The following AGBL4 variants were observed in gnomAD, a reference collection of about 807,000 sequenced individuals.
The protein encoded by AGBL4 is cytosolic carboxypeptidase 6.
AGBL4 carries 58 observed loss-of-function variants against 66.4 expected under a neutral mutation model. The observed-to-expected ratio is 0.87, with a 90% CI of 0.71 to 1.09. The LOEUF is 1.09. AGBL4 is among the 50% of genes least tolerant of loss of function. The pLI, the probability that AGBL4 is intolerant of heterozygous loss-of-function variation, is 0.00. For missense variants in AGBL4, 579 were observed against 631.0 expected (o/e 0.92, Z 0.88); for synonymous variants, 234 against 222.9 (o/e 1.05, Z -0.44).
At chr1:49,348,408 G>A (rs1259133866) in intron 3 of AGBL4, among the ~76,000 whole-genome samples, 6 of 150,970 alleles carry the variant, frequency 4.0e-5, no homozygotes, top group Non-Finnish European at 5.9e-5. Flanking sequence ...GTGACAGAGC[G>A]ACACTCCGTC....
At chr1:49,068,845 C>G (rs893685330) in intron 4 of AGBL4, among the ~76,000 whole-genome samples, 1 of 152,210 alleles carries the variant, frequency 6.6e-6, no homozygotes, top group African/African-American at 2.4e-5. Context: ...ACACTCCCAT[C>G]AACAGTGTAA....
intron 6 of AGBL4, among the ~76,000 whole-genome samples, chr1:48,763,988 C>T (rs747745967): frequency 6.6e-6 from 1 of 152,150 alleles, no homozygotes; most frequent in Non-Finnish European, 1.5e-5. Flanking sequence ...CAGAGCTTTG[C>T]CTTCTATGCC....
chr1:49,281,884 T>C (rs139694232), intron 3 of AGBL4, among the ~76,000 whole-genome samples: 1 of 152,224 alleles, frequency 6.6e-6, no homozygotes, highest in Non-Finnish European at 1.5e-5. Context: ...CAGTTATATA[T>C]GTTTCCCACA....
chr1:49,437,476 C>T (rs1645928059), intron 3 of AGBL4, among the ~76,000 whole-genome samples: 1 of 152,244 alleles, frequency 6.6e-6, no homozygotes, highest in African/African-American at 2.4e-5. Context: ...TCTAAATTAT[C>T]TTTCAAAGGA....
At chr1:49,229,259 A>ACTGTAAGCC (rs1403165233) in intron 4 of AGBL4, among the ~76,000 whole-genome samples, 1 of 152,202 alleles carries the variant, frequency 6.6e-6, no homozygotes, top group Non-Finnish European at 1.5e-5. Context: ...TTCCTTTTAG[A>ACTGTAAGCC]CTGTAAGCCA....
At chr1:49,943,376 G>A (rs1654938287) in intron 1 of AGBL4, among the ~76,000 whole-genome samples, 1 of 152,132 alleles carries the variant, frequency 6.6e-6, no homozygotes, top group African/African-American at 2.4e-5. Flanking sequence ...AATAAATCAG[G>A]AAAGCCAAGA....
At chr1:49,118,818 A>G (rs1569658628) in intron 4 of AGBL4, among the ~76,000 whole-genome samples, 2 of 152,214 alleles carry the variant, frequency 1.3e-5, no homozygotes, top group East Asian at 1.9e-4. Context: ...CTGTGAATCC[A>G]TCTGGTCCTG....
At chr1:49,100,766 G>T (rs1039413169) in intron 4 of AGBL4, among the ~76,000 whole-genome samples, 5 of 152,180 alleles carry the variant, frequency 3.3e-5, no homozygotes, top group Non-Finnish European at 7.3e-5. Flanking sequence ...GCTCCAGGAA[G>T]TAACACCAAG....
intron 6 of AGBL4, among the ~76,000 whole-genome samples, chr1:48,710,880 C>T (rs1646955348): frequency 6.6e-6 from 1 of 151,472 alleles, no homozygotes; most frequent in Non-Finnish European, 1.5e-5. Flanking sequence ...GAATTCGCCA[C>T]CCCACCAGCC....
At chr1:49,761,293 T>A (rs1652294716) in intron 2 of AGBL4, among the ~76,000 whole-genome samples, 1 of 152,128 alleles carries the variant, frequency 6.6e-6, no homozygotes, top group Admixed American at 6.5e-5. Context: ...TAAAAATAAA[T>A]ATAAATATTA....
chr1:49,886,315 C>T (rs1648033289), intron 1 of AGBL4, among the ~76,000 whole-genome samples: 1 of 152,078 alleles, frequency 6.6e-6, no homozygotes, highest in Non-Finnish European at 1.5e-5. Flanking sequence ...TCCTGGAGAG[C>T]ATGCCACCTG....
chr1:49,377,132 A>G (rs1263764151), intron 3 of AGBL4, among the ~76,000 whole-genome samples: 2 of 152,124 alleles, frequency 1.3e-5, no homozygotes, highest in Admixed American at 6.6e-5. Flanking sequence ...GTAAGTGAAT[A>G]TAAAACAGTT....
At chr1:49,641,285 T>G (rs997273746) in intron 3 of AGBL4, among the ~76,000 whole-genome samples, 1 of 152,142 alleles carries the variant, frequency 6.6e-6, no homozygotes, top group Non-Finnish European at 1.5e-5. Flanking sequence ...CTTTTGTTTT[T>G]CACTATTAAA....
At chr1:48,886,362 A>C (rs924718862) in intron 5 of AGBL4, among the ~76,000 whole-genome samples, 4 of 152,070 alleles carry the variant, frequency 2.6e-5, no homozygotes, top group African/African-American at 9.7e-5. Flanking sequence ...CATGGTGAAA[A>C]AGTACCTGGA....
At chr1:48,630,833 T>C (rs1645581486) in intron 9 of AGBL4, among the ~76,000 whole-genome samples, 1 of 152,156 alleles carries the variant, frequency 6.6e-6, no homozygotes, top group Non-Finnish European at 1.5e-5. Flanking sequence ...TCCAGCCTCC[T>C]GAGTAAGACA....
At chr1:49,403,867 C>A (rs1279642417) in intron 3 of AGBL4, among the ~76,000 whole-genome samples, 8 of 152,170 alleles carry the variant, frequency 5.3e-5, no homozygotes, top group Non-Finnish European at 1.2e-4. Flanking sequence ...CCAACTCCAA[C>A]AAACTTACTT....
At chr1:49,793,511 A>C (rs1361989682) in intron 2 of AGBL4, among the ~76,000 whole-genome samples, 3 of 152,002 alleles carry the variant, frequency 2.0e-5, no homozygotes, top group Non-Finnish European at 2.9e-5. Flanking sequence ...ATTTAGATGG[A>C]GTGAATACCA....
chr1:49,175,008 G>C (rs1291607614), intron 4 of AGBL4: 1 of 152,066 alleles, frequency 6.6e-6, no homozygotes, highest in Non-Finnish European at 1.5e-5. Flanking sequence ...GGACTCACCT[G>C]AGGTTTGAAG....
intron 11 of AGBL4, among the ~76,000 whole-genome samples, chr1:48,570,546 GT>G (rs145636053): frequency 9.4e-5 from 14 of 149,218 alleles, no homozygotes; most frequent in African/African-American, 2.2e-4. Flanking sequence ...GTGGGTTAAC[GT>G]TTTTTTTTTA....
Sources: allele counts gnomAD v4.1 joint callset (sites outside exome capture counted in the v4.1 genomes callset), GRCh38; gene constraint gnomAD v4.1.1; transcripts MANE v1.5; gene names NCBI Gene and HGNC (gene_info 2026-07-23, HGNC 2026-07-21).